TSPAN11: variants seen among roughly 807,000 people sequenced by gnomAD.
TSPAN11 encodes tetraspanin-11.
In TSPAN11, 29 loss-of-function variants were observed where a neutral mutation model predicts 32.9. That is an observed-to-expected ratio of 0.88 (90% confidence interval 0.66 to 1.20). The LOEUF is 1.20. TSPAN11 is among the 50% of genes most tolerant of loss of function. TSPAN11 has a pLI of 0.00. For missense variants in TSPAN11, 283 were observed against 329.1 expected (o/e 0.86, Z 1.08); for synonymous variants, 140 against 141.3 (o/e 0.99, Z 0.07).
At chr12:30,956,826 GC>G (rs1938487452) in intron 2 of TSPAN11, among the ~76,000 whole-genome samples, 1 of 152,106 alleles carries the variant, frequency 6.6e-6, no homozygotes, top group Non-Finnish European at 1.5e-5. Context: ...AACGTTTCTA[GC>G]CCCCCAGGCA....
chr12:30,949,668 GC>G (rs1035228854), intron 1 of TSPAN11, among the ~76,000 whole-genome samples: 2 of 152,136 alleles, frequency 1.3e-5, no homozygotes, highest in African/African-American at 4.8e-5. Flanking sequence ...TGGGGACACA[GC>G]CAAACCATAT....
At chr12:30,963,521 T>C (rs1938656643) in intron 2 of TSPAN11, among the ~76,000 whole-genome samples, 1 of 152,186 alleles carries the variant, frequency 6.6e-6, no homozygotes, top group African/African-American at 2.4e-5. Flanking sequence ...TGATCATCCC[T>C]GAAACTGCAG....
At chr12:30,982,930 A>G (rs1035362921) in intron 6 of TSPAN11, 134 bp from the exon 7 acceptor site, 2 of 1,119,246 alleles carry the variant, frequency 1.8e-6, no homozygotes, top group African/African-American at 1.5e-5. Flanking sequence ...GTAGCCTGTG[A>G]GCAATTCAAG....
chr12:30,977,186 G>A lies in TSPAN11; in HGVS notation c.277-1375G>A, dbSNP rs530792914. Among the ~76,000 whole-genome samples the A allele has an allele frequency of 3.3e-5, 5 of 152,340 alleles. No individual in the cohort carries two copies. In the East Asian group the frequency reaches 9.7e-4, roughly 29 times the overall value. On this transcript the variant is annotated intron_variant, in intron 3 of 7. Transcript: ENST00000546076. ...CCCGTATTCCTTAATCCCTGCCCAT[G>A]CCAGGCTCCCTGCTGAGTCGTGCAG...
intron 2 of TSPAN11, among the ~76,000 whole-genome samples, chr12:30,957,334 C>T (rs919209239): frequency 9.3e-5 from 14 of 150,852 alleles, no homozygotes; most frequent in African/African-American, 1.9e-4. Flanking sequence ...TGCACAGTGC[C>T]GTGGCAGGTG....
intron 3 of TSPAN11, among the ~76,000 whole-genome samples, chr12:30,977,540 T>G (rs1481100164): frequency 6.6e-6 from 1 of 151,742 alleles, no homozygotes; most frequent in Admixed American, 6.6e-5. Context: ...GTGCTCCCCC[T>G]CTCTCCTCTC....
intron 1 of TSPAN11, among the ~76,000 whole-genome samples, chr12:30,943,853 G>T (rs1938215048): frequency 6.6e-6 from 1 of 152,232 alleles, no homozygotes; most frequent in Admixed American, 6.5e-5. Context: ...GAAGGACAAG[G>T]CTGTTGGCAT....
chr12:31,016,396 G>A, the TSPAN11 span, among the ~76,000 whole-genome samples: 2 of 151,974 alleles, frequency 1.3e-5, no homozygotes, highest in Admixed American at 6.6e-5. Context: ...TGGTTTCCAC[G>A]GTAAATTTTA....
the TSPAN11 span, among the ~76,000 whole-genome samples, chr12:31,004,058 TGGGAAACCA>T: frequency 1.3e-5 from 2 of 152,196 alleles, no homozygotes; most frequent in African/African-American, 2.4e-5. Flanking sequence ...CTCGTCTGGC[TGGGAAACCA>T]GGGTATGGAG....
chr12:30,951,294 A>T (rs1047362422), intron 1 of TSPAN11, among the ~76,000 whole-genome samples: 1 of 152,188 alleles, frequency 6.6e-6, no homozygotes, highest in Non-Finnish European at 1.5e-5. Context: ...GGAGGCTGGG[A>T]AATGTTGTCT....
intron 7 of TSPAN11, chr12:30,986,751 A>G (rs6487955): frequency 0.14 from 21,306 of 152,260 alleles, 1,682 homozygotes; most frequent in East Asian, 0.31. Flanking sequence ...TCAGCCAGGT[A>G]TTTGGCAATG....
intron 2 of TSPAN11, among the ~76,000 whole-genome samples, chr12:30,957,703 CCCT>C (rs202059786): frequency 0.031 from 2,292 of 74,256 alleles, 287 homozygotes; most frequent in African/African-American, 0.18. Context: ...CTCCCTCCCT[CCCT>C]CCTTCCTTCC....
intron 1 of TSPAN11, among the ~76,000 whole-genome samples, chr12:30,929,688 G>C (rs1937877388): frequency 6.6e-6 from 1 of 152,168 alleles, no homozygotes; most frequent in Non-Finnish European, 1.5e-5. Context: ...GAGGAACTCT[G>C]GTCTCTGAGT....
intron 1 of TSPAN11, among the ~76,000 whole-genome samples, chr12:30,944,045 G>T (rs1016986456): frequency 7.2e-5 from 11 of 152,142 alleles, no homozygotes; most frequent in South Asian, 4.1e-4. Flanking sequence ...TAACTGCAGG[G>T]GTGGGGAGTG....
intron 3 of TSPAN11, among the ~76,000 whole-genome samples, chr12:30,970,140 G>C (rs1047559018): frequency 6.6e-6 from 1 of 152,186 alleles, no homozygotes; most frequent in African/African-American, 2.4e-5. Flanking sequence ...AGGGCACTGG[G>C]AGGAAGTAGC....
intron 7 of TSPAN11, among the ~76,000 whole-genome samples, chr12:30,986,358 T>C (rs891234052): frequency 6.6e-6 from 1 of 152,192 alleles, no homozygotes; most frequent in East Asian, 1.9e-4. Flanking sequence ...ACCTGTAAAA[T>C]GGACAGATTG....
At chr12:30,927,595 G>A (rs988718659) in intron 1 of TSPAN11, among the ~76,000 whole-genome samples, 1 of 152,084 alleles carries the variant, frequency 6.6e-6, no homozygotes, top group Non-Finnish European at 1.5e-5. Context: ...TGGGGGTGGG[G>A]GGTGAGGAGA....
rs1939357121 is a variant in TSPAN11, at chr12:30,993,444, G to A, written c.*1529G>A. 6.6e-6 allele frequency: 1 copy of A among 152,340 alleles called. No homozygotes were observed. Among genetic ancestry groups the A allele is most frequent in the Non-Finnish European group, 1.5e-5 (1 of 68,128 alleles). The allele number at this position is 152,340 out of a possible 1,614,324, so 9.4% of individuals were successfully genotyped here. On this transcript the variant is annotated 3_prime_UTR_variant, in exon 8 of 8. Coordinates refer to ENST00000546076, the MANE Select transcript of TSPAN11 (RefSeq NM_001370302.1). Reference sequence around the variant, plus strand: ...GAACTGTCCAGAAACTGCATCCTCAGCACAGGAAGTACCCACATGGACAGA... The same window carrying A: ...GAACTGTCCAGAAACTGCATCCTCAACACAGGAAGTACCCACATGGACAGA...
Position 30,928,301 on chromosome 12 carries a change from G to A in TSPAN11, c.-12+1505G>A, listed in dbSNP as rs188799782. On this transcript the variant is annotated intron_variant, in intron 1 of 7. Transcript: ENST00000546076. Reference sequence around the variant, plus strand: ...ACCAACTTGCTTTTCTTTTTATGCCGCCAAATGAAGCAGTAAGGAGCACCC... The same window carrying A: ...ACCAACTTGCTTTTCTTTTTATGCCACCAAATGAAGCAGTAAGGAGCACCC... 1.1e-3 allele frequency among the ~76,000 whole-genome samples: 164 copies of A among 152,180 alleles called. 1 individual carries two copies. Among genetic ancestry groups the A allele is most frequent in the African/African-American group, 3.1e-3 (128 of 41,516 alleles).
Sources: allele counts gnomAD v4.1 joint callset (sites outside exome capture counted in the v4.1 genomes callset), GRCh38; gene constraint gnomAD v4.1.1; transcripts MANE v1.5; gene names NCBI Gene and HGNC (gene_info 2026-07-23, HGNC 2026-07-21).